Variants in MYO18B observed in about 807,000 individuals in gnomAD.
The protein encoded by MYO18B is unconventional myosin-XVIIIb.
MYO18B carries 204 observed loss-of-function variants against 273.0 expected under a neutral mutation model. The ratio of observed to expected loss-of-function variants is 0.75; its 90% CI spans 0.67 to 0.84. The LOEUF is 0.84. Ranked by LOEUF, MYO18B falls within the 40% of genes least tolerant of loss-of-function variation. The pLI, the probability that MYO18B is intolerant of heterozygous loss-of-function variation, is 0.00. For missense variants in MYO18B, 3,212 were observed against 3,287.6 expected, an observed-to-expected ratio of 0.98 and a Z score of 0.56; for synonymous variants, 1,330 against 1,305.7, an observed-to-expected ratio of 1.02 and a Z score of -0.40.
chr22:26,023,337 C>T (rs1429533241), intron 42 of MYO18B, among the ~76,000 whole-genome samples: 1 of 152,236 alleles, frequency 6.6e-6, no homozygotes, highest in Non-Finnish European at 1.5e-5. Flanking sequence ...CTACTACATA[C>T]TGGGCTCAGT....
At chr22:25,992,201 C>T (rs1161310035) in intron 39 of MYO18B, among the ~76,000 whole-genome samples, 162 bp from the exon 40 acceptor site, 1 of 152,202 alleles carries the variant, frequency 6.6e-6, no homozygotes, top group Non-Finnish European at 1.5e-5. Context: ...TTGAGGATCC[C>T]ATAAATCTGT....
At chr22:25,931,556 G>A (rs757177211) in intron 34 of MYO18B, among the ~76,000 whole-genome samples, 2 of 152,198 alleles carry the variant, frequency 1.3e-5, no homozygotes, top group Non-Finnish European at 2.9e-5. Flanking sequence ...GAACCAGTGT[G>A]TGGGAGTGTG....
intron 12 of MYO18B, among the ~76,000 whole-genome samples, chr22:25,814,294 C>CTTTTTTTTTTTTTTTTTTTTTTT (rs398036691): frequency 1.7e-5 from 1 of 59,432 alleles, no homozygotes; most frequent in Non-Finnish European, 3.2e-5. Flanking sequence ...AGGCACCGTT[C>CTTTTTTTTTTTTTTTTTTTTTTT]TTTTTTTTTT....
chr22:25,785,161 T>C (rs1249938777), intron 10 of MYO18B, among the ~76,000 whole-genome samples: 1 of 152,256 alleles, frequency 6.6e-6, no homozygotes, highest in Non-Finnish European at 1.5e-5. Flanking sequence ...GATCTGGGGT[T>C]AGTCCCTGCT....
At chr22:25,867,201 T>A (rs1234663780) in intron 21 of MYO18B, among the ~76,000 whole-genome samples, 1 of 151,258 alleles carries the variant, frequency 6.6e-6, no homozygotes, top group Non-Finnish European at 1.5e-5. Context: ...CTCAGTGTGG[T>A]GCAACTATCA....
intron 12 of MYO18B, among the ~76,000 whole-genome samples, chr22:25,812,369 C>T (rs2088803238): frequency 6.6e-6 from 1 of 152,188 alleles, no homozygotes; most frequent in South Asian, 2.1e-4. Context: ...TTCTCCACCT[C>T]CATCCCAGCT....
In MYO18B at chr22:25,997,978, C is replaced by CACACGAGA. The variant is rs34431605; in HGVS notation, c.6288-5287_6288-5286insACACGAGA. ...ACACAAACACACACACACACACACA[C>CACACGAGA]GAGAGAGAGAGAGAGAGAGAGAGAT... On this transcript the variant is annotated intron_variant, in intron 40 of 43. Transcript: ENST00000335473. 3.3e-3 allele frequency among the ~76,000 whole-genome samples: 482 copies of CACACGAGA among 144,608 alleles called. 4 individuals carry two copies. Among genetic ancestry groups the CACACGAGA allele is most frequent in the African/African-American group, 0.011 (422 of 37,902 alleles). The allele number at this position is 144,608 out of a possible 152,430, so 94.9% of individuals were successfully genotyped here.
chr22:25,830,420 C>G lies in MYO18B; in HGVS notation c.2979+1452C>G, dbSNP rs562732549. 2.0e-5 allele frequency among the ~76,000 whole-genome samples: 3 copies of G among 152,322 alleles called. No homozygotes were observed. In the East Asian group the frequency reaches 5.8e-4, roughly 29 times the overall value. ...CTCACAAGTGTCTGGATGGCCTGGG[C>G]AGCTCTCTTGGTCCAGGATGGTTCT... On this transcript the variant is annotated intron_variant, in intron 15 of 43. Transcript: ENST00000335473.
chr22:25,764,587 A>G (rs561702076), intron 3 of MYO18B, among the ~76,000 whole-genome samples: 18 of 152,202 alleles, frequency 1.2e-4, no homozygotes, highest in African/African-American at 4.3e-4. Flanking sequence ...AACGACTTTG[A>G]TGCATTAGAG....
At chr22:25,759,235 A>G (rs1049589166) in intron 1 of MYO18B, among the ~76,000 whole-genome samples, 3 of 152,252 alleles carry the variant, frequency 2.0e-5, no homozygotes, top group African/African-American at 4.8e-5. Flanking sequence ...ATACACATGT[A>G]TGTTTATTGT....
In MYO18B at chr22:25,889,786, G is replaced by GA. The variant is rs889066244; in HGVS notation, c.4315-961dup. On this transcript the variant is annotated intron_variant, in intron 25 of 43. Transcript: ENST00000335473. ...GCATCGGTGGCTGGTCAGTTAATCA[G>GA]AAAAAAAAACCAGTGCAGGTGGGAA... Among the ~76,000 whole-genome samples, 38 of 149,592 alleles carry GA rather than the reference G, an allele frequency of 2.5e-4. 2 individuals carry two copies. The South Asian group carries it at 4.7e-3, about 18-fold the overall frequency.
At chr22:25,943,169 C>T (rs1408390243) in intron 34 of MYO18B, among the ~76,000 whole-genome samples, 2 of 152,148 alleles carry the variant, frequency 1.3e-5, no homozygotes, top group South Asian at 2.1e-4. Flanking sequence ...AGGGGCCCTG[C>T]GTGAGGCCTC....
At chr22:25,989,626 C>CAAAAAAAAAAA (rs56004208) in intron 39 of MYO18B, among the ~76,000 whole-genome samples, 1 of 88,606 alleles carries the variant, frequency 1.1e-5, no homozygotes, top group Non-Finnish European at 2.0e-5. Flanking sequence ...ACTAAAAATA[C>CAAAAAAAAAAA]AAAAAAAAAA....
At chr22:25,948,323 A>G (rs1467949511) in intron 36 of MYO18B, among the ~76,000 whole-genome samples, 1 of 152,004 alleles carries the variant, frequency 6.6e-6, no homozygotes, top group Non-Finnish European at 1.5e-5. Context: ...CCATTCATTT[A>G]TCCATTCATC....
At chr22:25,802,800 C>T (rs959413597) in intron 12 of MYO18B, among the ~76,000 whole-genome samples, 3 of 151,330 alleles carry the variant, frequency 2.0e-5, no homozygotes, top group Admixed American at 6.6e-5. Context: ...TAGCTATTGC[C>T]CTCTAAACAC....
intron 42 of MYO18B, among the ~76,000 whole-genome samples, chr22:26,009,359 G>A (rs1569291229): frequency 6.6e-6 from 1 of 152,024 alleles, no homozygotes. Flanking sequence ...CCTTGTTTCA[G>A]TTCTTCCCCC....
At chr22:25,778,496 T>C (rs965045993) in intron 8 of MYO18B, among the ~76,000 whole-genome samples, 12 of 152,226 alleles carry the variant, frequency 7.9e-5, no homozygotes, top group African/African-American at 2.6e-4. Context: ...ATTATTATTA[T>C]TGAGACGGGG....
At chr22:25,856,355 A>T (rs2090574195) in intron 21 of MYO18B, among the ~76,000 whole-genome samples, 2 of 152,214 alleles carry the variant, frequency 1.3e-5, no homozygotes. Context: ...AGGGCAGGCA[A>T]AGTATTTAGT....
chr22:25,941,494 G>A (rs2146556296), intron 34 of MYO18B, among the ~76,000 whole-genome samples: 2 of 152,332 alleles, frequency 1.3e-5, no homozygotes, highest in Admixed American at 1.3e-4. Flanking sequence ...TCTGGCCAGT[G>A]TTGCGCCACT....
Sources: allele counts gnomAD v4.1 joint callset (sites outside exome capture counted in the v4.1 genomes callset), GRCh38; gene constraint gnomAD v4.1.1; transcripts MANE v1.5; gene names NCBI Gene and HGNC (gene_info 2026-07-23, HGNC 2026-07-21).